Variants in ZNF33B observed in about 807,000 individuals in gnomAD.
ZNF33B encodes zinc finger protein 33B.
ZNF33B carries 29 observed loss-of-function variants against 45.8 expected under a neutral mutation model. The ratio of observed to expected loss-of-function variants is 0.63; its 90% CI spans 0.47 to 0.86. The LOEUF (loss-of-function observed/expected upper bound fraction) is 0.86. ZNF33B is among the 40% of genes least tolerant of loss of function. ZNF33B has a pLI of 0.00. For missense variants in ZNF33B, 831 were observed against 909.9 expected (o/e 0.91, Z 1.12); for synonymous variants, 305 against 307.8 (o/e 0.99, Z 0.10).
At position 42,632,457 on chromosome 10, in the gene ZNF33B, A is replaced by C. The variant is rs765227192; in HGVS notation, c.10-18T>G. The C allele has an allele frequency of 4.4e-6, 7 of 1,609,012 alleles. No individual in the cohort carries two copies. Among genetic ancestry groups the C allele is most frequent in the Non-Finnish European group, 5.9e-6 (7 of 1,178,986 alleles). On this transcript the variant is annotated intron_variant, in intron 2 of 4. Coordinates refer to ENST00000359467, the MANE Select transcript of ZNF33B (RefSeq NM_006955.3). ...TGATCTACCTGAAATGTTCAGAATT[A>C]GGTGGCATGAAAAAAGAAGTATGGG...
At chr10:42,636,763 G>C (rs1375156048) in intron 2 of ZNF33B, 157 bp downstream of exon 2, 1 of 942,764 alleles carries the variant, frequency 1.1e-6, no homozygotes. Flanking sequence ...GAGGTTGCAA[G>C]GTTGCAGTGA....
rs1326690174 is a variant in ZNF33B, at chr10:42,593,604, G to T, written c.1346C>A (p.Ser449Tyr). 5 of 1,613,746 alleles carry T rather than the reference G, an allele frequency of 3.1e-6. No homozygotes were observed. In the East Asian group the frequency reaches 1.1e-4, roughly 36 times the overall value. The stretch of plus-strand genomic sequence containing the variant: ...TGTAAGGTGTGAATTCATACAGAAG[G>T]ATTTTCCACATTCATAACATTCATA... ...KPYECYECGKSFCMNSHLTVH... is the reference protein window; with the variant it reads ...KPYECYECGKYFCMNSHLTVH... The change falls in exon 5 of 5, where the codon TCC (serine) becomes TAC (tyrosine). Residue 449 changes from serine to tyrosine, a missense_variant. Ser to Tyr is a moderately radical substitution (Grantham distance 144). Transcript: ENST00000359467.
At chr10:42,614,989 C>T (rs193209581) in intron 4 of ZNF33B, among the ~76,000 whole-genome samples, 78 of 152,004 alleles carry the variant, frequency 5.1e-4, no homozygotes, top group African/African-American at 1.6e-3. Flanking sequence ...CATCATTAGC[C>T]ATTAGGAAAT....
At chr10:42,619,756 A>G (rs1838488716) in intron 4 of ZNF33B, among the ~76,000 whole-genome samples, 1 of 152,214 alleles carries the variant, frequency 6.6e-6, no homozygotes. Context: ...GGTAGAAGCA[A>G]GGTTTTCATA....
intron 1 of ZNF33B, among the ~76,000 whole-genome samples, chr10:42,575,472 TA>T (rs936729966): frequency 6.6e-6 from 1 of 152,122 alleles, no homozygotes; most frequent in African/African-American, 2.4e-5. Context: ...TCTGTTTTTT[TA>T]ACCCCCCAGT....
rs199977911 is a variant in ZNF33B at position 42,617,092 on chromosome 10, C to CTTTTTT, written c.250+14831_250+14836dup. Among the ~76,000 whole-genome samples the CTTTTTT allele has an allele frequency of 1.6e-3, 100 of 61,212 alleles. 7 individuals are homozygous for CTTTTTT. Among genetic ancestry groups the CTTTTTT allele is most frequent in the Non-Finnish European group, 2.3e-3 (73 of 31,938 alleles). 40.2% of individuals were successfully genotyped at this position (61,212 alleles called of 152,430 possible). ...TTGAAGAAAATTGTTCATTTTTTCT[C>CTTTTTT]TTTTTTTTTTTTTTTTTTTTTTTTT... On this transcript the variant is annotated intron_variant, in intron 4 of 4. Transcript: ENST00000359467.
chr10:42,629,804 T>C (rs1233499349), intron 4 of ZNF33B, among the ~76,000 whole-genome samples: 1 of 152,250 alleles, frequency 6.6e-6, no homozygotes, highest in East Asian at 1.9e-4. Context: ...GGTTTATTTA[T>C]AGTGTTTCTA....
At chr10:42,587,145 G>A (rs906973990), downstream of ZNF33B, among the ~76,000 whole-genome samples, 1 of 152,084 alleles carries the variant, frequency 6.6e-6, no homozygotes, top group Non-Finnish European at 1.5e-5. Context: ...ACCTCCCAAA[G>A]GCCAAACCTT....
chr10:42,636,949 A>C lies in ZNF33B; in HGVS notation c.-21T>G, dbSNP rs1336922056. 6.2e-7 allele frequency: 1 copy of C among 1,614,220 alleles called. No individual in the cohort carries two copies. Among genetic ancestry groups the C allele is most frequent in the Non-Finnish European group, 8.5e-7 (1 of 1,180,036 alleles). On this transcript the variant is annotated 5_prime_UTR_variant, in exon 2 of 5. Transcript: ENST00000359467. ...TTCATTTTGTTCTGTTCTTGGAAAG[A>C]CGGAGACAACTCTGAAGATACAGCT...
intron 4 of ZNF33B, among the ~76,000 whole-genome samples, chr10:42,625,549 G>A (rs961438383): frequency 2.6e-5 from 4 of 152,016 alleles, no homozygotes; most frequent in Admixed American, 2.0e-4. Context: ...GTGTGAGCTC[G>A]GCTCATCACA....
chr10:42,601,369 T>C (rs1374403482), intron 4 of ZNF33B, among the ~76,000 whole-genome samples: 1 of 152,078 alleles, frequency 6.6e-6, no homozygotes, highest in Non-Finnish European at 1.5e-5. Flanking sequence ...AAAATACTGT[T>C]TTCTGTTCTT....
chr10:42,593,260 G>A lies in ZNF33B; in HGVS notation c.1690C>T (p.His564Tyr), dbSNP rs903929352. 3 of 1,614,020 alleles carry A rather than the reference G, an allele frequency of 1.9e-6. No homozygotes were observed. The highest frequency in any genetic ancestry group is 4.5e-5 in the East Asian group (2 of 44,876). Residue 564 changes from histidine (H) to tyrosine (Y), a missense_variant, in exon 5 of 5, where the codon CAT (histidine) becomes TAT (tyrosine). Physicochemically the swap from His to Tyr is moderately conservative, Grantham distance 83 (BLOSUM62 2). Transcript: ENST00000359467. Reference sequence around the variant, plus strand: ...TAATGTTGAGAGAGGGTTGACTTATGGCTAAAGAATTTCCCACATTCAGGA... The same window carrying A: ...TAATGTTGAGAGAGGGTTGACTTATAGCTAAAGAATTTCCCACATTCAGGA... ...ACPECGKFFS[H>Y]KSTLSQHYRT...
chr10:42,587,771 C>T (rs1268349669), downstream of ZNF33B, among the ~76,000 whole-genome samples: 9 of 152,204 alleles, frequency 5.9e-5, no homozygotes, highest in Non-Finnish European at 1.5e-5. Flanking sequence ...AGAAGAGTTA[C>T]TTCCTCTGGT....
chr10:42,620,163 C>A (rs1311131812), intron 4 of ZNF33B, among the ~76,000 whole-genome samples: 15 of 148,984 alleles, frequency 1.0e-4, no homozygotes, highest in African/African-American at 3.8e-4. Flanking sequence ...TTGCAGTGAA[C>A]CAAGATCATA....
rs774043278 is a variant in ZNF33B at position 42,631,192 on chromosome 10, TG to T, written c.250+736del. 3.2e-3 allele frequency among the ~76,000 whole-genome samples: 489 copies of T among 151,284 alleles called. 3 individuals are homozygous for T. The highest frequency in any genetic ancestry group is 3.6e-3 in the Non-Finnish European group (242 of 67,772). On this transcript the variant is annotated intron_variant, in intron 4 of 4. Transcript: ENST00000359467. ...CATAATATACTTAGAGACATAATTT[TG>T]TTTTTTTTTTATATTTATTTACTTA...
rs1379745513 is a variant in ZNF33B at position 42,606,471 on chromosome 10, A to G, written c.251-11772T>C. Among the ~76,000 whole-genome samples, 11 of 151,724 alleles carry G rather than the reference A, an allele frequency of 7.3e-5. No homozygotes were observed. The East Asian group carries it at 9.7e-4, about 13-fold the overall frequency. On this transcript the variant is annotated intron_variant, in intron 4 of 4. Coordinates refer to ENST00000359467, the MANE Select transcript of ZNF33B (RefSeq NM_006955.3). ...CAAAGCGAGACTCCATCTCAGGGGG[A>G]AAAAAAATAGGTACAGATCTGTACT...
chr10:42,577,655 C>A (rs1479721665), intron 1 of ZNF33B, among the ~76,000 whole-genome samples: 1 of 152,168 alleles, frequency 6.6e-6, no homozygotes, highest in African/African-American at 2.4e-5. Context: ...TTGTCCTCCC[C>A]AGCACTCACC....
chr10:42,627,939 C>T (rs1838884022), intron 4 of ZNF33B, among the ~76,000 whole-genome samples: 2 of 152,152 alleles, frequency 1.3e-5, no homozygotes, highest in South Asian at 4.1e-4. Flanking sequence ...TTATTTATGG[C>T]CCAGGATATG....
chr10:42,595,967 A>T (rs1343787591), intron 4 of ZNF33B, among the ~76,000 whole-genome samples: 1 of 152,176 alleles, frequency 6.6e-6, no homozygotes, highest in Non-Finnish European at 1.5e-5. Flanking sequence ...AATAAACAGC[A>T]TTGTAAAGGA....
Sources: allele counts gnomAD v4.1 joint callset (sites outside exome capture counted in the v4.1 genomes callset), GRCh38; gene constraint gnomAD v4.1.1; transcripts MANE v1.5; gene names NCBI Gene and HGNC (gene_info 2026-07-23, HGNC 2026-07-21).